SYNPR: variants seen among roughly 807,000 people sequenced by gnomAD.
SYNPR encodes synaptoporin.
In SYNPR, 23 loss-of-function variants were observed where a neutral mutation model predicts 32.9. That is an observed-to-expected ratio of 0.70 (90% CI 0.50 to 0.99). The LOEUF is 0.99. SYNPR is among the 50% of genes least tolerant of loss of function. The pLI is 0.00. For missense variants in SYNPR, 318 were observed against 349.3 expected, an observed-to-expected ratio of 0.91 and a Z score of 0.71; for synonymous variants, 146 against 135.9, an observed-to-expected ratio of 1.07 and a Z score of -0.52.
intron 2 of SYNPR, among the ~76,000 whole-genome samples, chr3:63,334,898 C>G (rs1173040896): frequency 6.6e-6 from 1 of 152,062 alleles, no homozygotes; most frequent in Non-Finnish European, 1.5e-5. Flanking sequence ...CTTTTAAAAC[C>G]TGATACTGGA....
At chr3:63,423,553 T>C (rs1189999575) in intron 2 of SYNPR, 1 of 152,244 alleles carries the variant, frequency 6.6e-6, no homozygotes, top group African/African-American at 2.4e-5. Flanking sequence ...CAGTAAGGCA[T>C]GTTGACGCAG....
At position 63,403,044 on chromosome 3, in the gene SYNPR, A is replaced by G. The variant is rs1217087983; in HGVS notation, c.85-77788A>G. Among the ~76,000 whole-genome samples the G allele has an allele frequency of 2.0e-5, 3 of 152,314 alleles. No homozygotes were observed. In the East Asian group the frequency reaches 5.8e-4, roughly 29 times the overall value. ...GACCATACAGTAAACATTAACAGAG[A>G]GAATGTTTATATATATTATTGTGTC... On this transcript the variant is annotated intron_variant, in intron 2 of 5. Transcript: ENST00000478300.
intron 2 of SYNPR, among the ~76,000 whole-genome samples, chr3:63,390,736 G>A (rs1560214352): frequency 1.3e-5 from 2 of 152,046 alleles, no homozygotes; most frequent in African/African-American, 2.4e-5. Flanking sequence ...ACCCCTCCTC[G>A]GGGCCTTCCC....
chr3:63,397,216 C>A (rs1340487036), intron 2 of SYNPR, among the ~76,000 whole-genome samples: 1 of 151,842 alleles, frequency 6.6e-6, no homozygotes, highest in Non-Finnish European at 1.5e-5. Context: ...TATTGGGATG[C>A]AAAGTATCTT....
At chr3:63,502,315 C>G (rs536015446) in intron 3 of SYNPR, among the ~76,000 whole-genome samples, 9 of 152,096 alleles carry the variant, frequency 5.9e-5, no homozygotes, top group Admixed American at 5.9e-4. Context: ...TTCCCCGCCA[C>G]ATGCATACCT....
intron 4 of SYNPR, among the ~76,000 whole-genome samples, chr3:63,569,657 A>T (rs962086343): frequency 1.3e-5 from 2 of 152,262 alleles, no homozygotes; most frequent in South Asian, 4.1e-4. Context: ...GAATTTGCAT[A>T]GCCACGCAAG....
chr3:63,384,041 A>G (rs752678084), intron 2 of SYNPR, among the ~76,000 whole-genome samples: 4 of 152,270 alleles, frequency 2.6e-5, no homozygotes, highest in East Asian at 3.9e-4. Flanking sequence ...CTCTGTATCA[A>G]TATGAATACT....
intron 2 of SYNPR, among the ~76,000 whole-genome samples, chr3:63,455,103 T>C (rs1700457103): frequency 6.6e-6 from 1 of 152,140 alleles, no homozygotes; most frequent in South Asian, 2.1e-4. Context: ...AATTTGACGT[T>C]ATAGTTTAGT....
At chr3:63,205,974 A>G in the SYNPR span, among the ~76,000 whole-genome samples, 2 of 152,184 alleles carry the variant, frequency 1.3e-5, no homozygotes, top group South Asian at 2.1e-4. Context: ...TTGGTTCAGG[A>G]AGTTTATAGC....
chr3:63,282,126 G>A (rs2086636060), intron 2 of SYNPR, among the ~76,000 whole-genome samples: 2 of 152,222 alleles, frequency 1.3e-5, no homozygotes, highest in Non-Finnish European at 2.9e-5. Context: ...TAAGTCAGTA[G>A]ATATTTGATT....
chr3:63,369,428 G>A (rs958620903), intron 2 of SYNPR, among the ~76,000 whole-genome samples: 1 of 152,200 alleles, frequency 6.6e-6, no homozygotes, highest in African/African-American at 2.4e-5. Context: ...AGATCTCAGA[G>A]AATATATGTA....
chr3:63,610,378 A>C (rs571988772), intron 5 of SYNPR: 2 of 504,604 alleles, frequency 4.0e-6, no homozygotes, highest in South Asian at 3.7e-5. Flanking sequence ...CGGTTATCGA[A>C]GAATAGAAGG....
chr3:63,524,862 T>C (rs1335482469), intron 3 of SYNPR, among the ~76,000 whole-genome samples: 1 of 150,690 alleles, frequency 6.6e-6, no homozygotes, highest in African/African-American at 2.4e-5. Flanking sequence ...CATGTGTGTG[T>C]GTGTGTGTGA....
At chr3:63,250,971 A>G (rs533026092) in intron 1 of SYNPR, among the ~76,000 whole-genome samples, 13 of 152,318 alleles carry the variant, frequency 8.5e-5, no homozygotes, top group South Asian at 2.1e-4. Context: ...AAATAGAAGC[A>G]TAACACTTAA....
chr3:63,374,767 T>C (rs2087866086), intron 2 of SYNPR, among the ~76,000 whole-genome samples: 1 of 152,208 alleles, frequency 6.6e-6, no homozygotes, highest in South Asian at 2.1e-4. Context: ...TACATTCTAC[T>C]CTACACAGCC....
intron 3 of SYNPR, among the ~76,000 whole-genome samples, chr3:63,532,021 T>C (rs1702121426): frequency 2.0e-5 from 3 of 152,368 alleles, no homozygotes; most frequent in African/African-American, 7.2e-5. Flanking sequence ...AATAAAATAA[T>C]GACTTACGAT....
chr3:63,398,937 C>T (rs1421918941), intron 2 of SYNPR, among the ~76,000 whole-genome samples: 2 of 152,092 alleles, frequency 1.3e-5, no homozygotes, highest in East Asian at 1.9e-4. Flanking sequence ...GTGCCAGCTA[C>T]AGAACTGACT....
the SYNPR span, among the ~76,000 whole-genome samples, chr3:63,206,200 G>T: frequency 6.6e-5 from 10 of 152,056 alleles, no homozygotes; most frequent in Non-Finnish European, 1.5e-4. Context: ...GATCTATGGG[G>T]GATTCTTAGG....
At position 63,394,495 on chromosome 3, in the gene SYNPR, T is replaced by A. The variant is rs111680893; in HGVS notation, c.85-86337T>A. 1.7e-3 allele frequency among the ~76,000 whole-genome samples: 253 copies of A among 152,334 alleles called. 5 individuals are homozygous for A. The highest frequency in any genetic ancestry group is 0.01 in the Middle Eastern group (3 of 294). ...ATGAAACTCTAAATGTACTTAACAT[T>A]TTGTATTTGCTTTCTTAAGAATCTG... On this transcript the variant is annotated intron_variant, in intron 2 of 5. Coordinates refer to ENST00000478300, the MANE Select transcript of SYNPR (RefSeq NM_001130003.2).
Sources: allele counts gnomAD v4.1 joint callset (sites outside exome capture counted in the v4.1 genomes callset), GRCh38; gene constraint gnomAD v4.1.1; transcripts MANE v1.5; gene names NCBI Gene and HGNC (gene_info 2026-07-23, HGNC 2026-07-21).